Variants in TEKT1 observed in about 807,000 individuals in gnomAD.
TEKT1 encodes tektin 1.
Under a neutral mutation model 34.8 loss-of-function variants are expected in TEKT1, and 32 were observed. The ratio of observed to expected loss-of-function variants is 0.92; its 90% confidence interval spans 0.69 to 1.23. TEKT1 has a LOEUF of 1.23. Among genes scored for constraint, TEKT1 ranks in the 50% most tolerant of loss-of-function variants. TEKT1 has a pLI of 0.00. For missense variants in TEKT1, 492 were observed against 518.5 expected (o/e 0.95, Z 0.50); for synonymous variants, 207 against 199.8 (o/e 1.04, Z -0.30).
chr17:6,831,390 G>A (rs1904570531), intron 1 of TEKT1, among the ~76,000 whole-genome samples: 1 of 152,122 alleles, frequency 6.6e-6, no homozygotes, highest in African/African-American at 2.4e-5. Flanking sequence ...TCTTGACTAG[G>A]CTGAGAACCT....
At chr17:6,824,037 T>G (rs1391019685) in intron 2 of TEKT1, among the ~76,000 whole-genome samples, 1 of 152,082 alleles carries the variant, frequency 6.6e-6, no homozygotes, top group Non-Finnish European at 1.5e-5. Context: ...TTAGCCAGGA[T>G]GGTCTTGATC....
Position 6,819,253 on chromosome 17 carries a change from T to G in TEKT1, c.296A>C (p.Glu99Ala). The change falls in exon 3 of 8, where the codon GAA becomes GCA. Residue 99 changes from glutamate to alanine, a missense_variant. Physicochemically the swap from Glu to Ala is moderately radical, Grantham distance 107 (BLOSUM62 -1). Transcript: ENST00000338694. ...DDLLIYKIRL[E>A]KALETLKEPL... ...CTCTTTCAAGGTCTCCAGGGCTTTT[T>G]CCAATCTGATCTTATATATGAGTAG... 1 of 1,614,106 alleles carries G rather than the reference T, an allele frequency of 6.2e-7. No individual in the cohort carries two copies. Among genetic ancestry groups the G allele is most frequent in the Middle Eastern group, 1.6e-4 (1 of 6,062 alleles).
chr17:6,829,243 C>T (rs898129485), intron 2 of TEKT1, among the ~76,000 whole-genome samples: 1 of 152,138 alleles, frequency 6.6e-6, no homozygotes, highest in African/African-American at 2.4e-5. Flanking sequence ...TCTAGAAAAA[C>T]TTTTCCAATT....
intron 2 of TEKT1, among the ~76,000 whole-genome samples, chr17:6,821,029 T>C (rs1258223034): frequency 1.3e-5 from 2 of 152,226 alleles, no homozygotes; most frequent in Admixed American, 6.5e-5. Context: ...AGAGTTTCTG[T>C]TGAAAAGTCT....
At chr17:6,822,716 T>C (rs1244616246) in intron 2 of TEKT1, among the ~76,000 whole-genome samples, 1 of 152,228 alleles carries the variant, frequency 6.6e-6, no homozygotes, top group African/African-American at 2.4e-5. Context: ...ATAGTGTATG[T>C]CTTCTTTTTC....
At chr17:6,801,004 C>A in intron 6 of TEKT1, 61 bp from the exon 7 acceptor site, 1 of 1,471,670 alleles carries the variant, frequency 6.8e-7, no homozygotes, top group Non-Finnish European at 9.3e-7. Flanking sequence ...CAACAGCTGA[C>A]AGCAGATGGG....
chr17:6,800,115 C>T lies in TEKT1; in HGVS notation c.1169G>A (p.Cys390Tyr), dbSNP rs777393055. ...ENTIYIDEVL[C>Y]MQMRKSIPLR... ...TGGGATGGATTTCCTCATCTGCATA[C>T]ACAGCACTTCGTCGATATAAATGGT... The change falls in exon 8 of 8, where the codon TGT (cysteine) becomes TAT (tyrosine). Residue 390 changes from cysteine to tyrosine, a missense_variant. Transcript: ENST00000338694. 1.2e-6 allele frequency: 2 copies of T among 1,614,102 alleles called. No homozygotes were observed. The highest frequency in any genetic ancestry group is 1.7e-5 in the Admixed American group (1 of 60,034).
At position 6,814,726 on chromosome 17, in the gene TEKT1, T is replaced by C. The variant is rs574650614; in HGVS notation, c.629+437A>G. 5.8e-4 allele frequency among the ~76,000 whole-genome samples: 88 copies of C among 151,904 alleles called. 1 individual carries two copies. In the South Asian group the frequency reaches 0.014, roughly 24 times the overall value. The stretch of plus-strand genomic sequence containing the variant: ...GGTGGCGGGCGCCTGTAGTCCCAGC[T>C]ACTTGGGAGGCTGAGACAGGAGAAT... On this transcript the variant is annotated intron_variant, in intron 5 of 7. Transcript: ENST00000338694.
Position 6,815,143 on chromosome 17 carries a change from A to G in TEKT1, c.629+20T>C. The G allele has an allele frequency of 6.3e-7, 1 of 1,596,982 alleles. No individual in the cohort carries two copies. The highest frequency in any genetic ancestry group is 8.5e-7 in the Non-Finnish European group (1 of 1,171,208). ...AGCACTGGGTCACCCGCGAGGAGGA[A>G]GACGGCAAGGCCCACTCACTTTGGC... On this transcript the variant is annotated intron_variant, in intron 5 of 7. Transcript: ENST00000338694.
intron 6 of TEKT1, among the ~76,000 whole-genome samples, chr17:6,810,932 G>T (rs972260289): frequency 1.3e-5 from 2 of 152,144 alleles, no homozygotes; most frequent in African/African-American, 2.4e-5. Context: ...TAGAGACAGG[G>T]TTTCACCCTG....
intron 3 of TEKT1, 98 bp downstream of exon 3, chr17:6,819,095 T>C: frequency 1.4e-6 from 2 of 1,400,444 alleles, no homozygotes; most frequent in Non-Finnish European, 1.9e-6. Context: ...CCTGCTCAAG[T>C]GCTGTGTTCT....
At position 6,820,179 on chromosome 17, in the gene TEKT1, T is replaced by C. The variant is rs183215187; in HGVS notation, c.191-821A>G. ...AAGTAAACTTACTATTTATTTACAT[T>C]TTGTAAATATATAAATGTTATTTAC... On this transcript the variant is annotated intron_variant, in intron 2 of 7. Transcript: ENST00000338694. 5.6e-4 allele frequency among the ~76,000 whole-genome samples: 86 copies of C among 152,318 alleles called. No individual in the cohort carries two copies. In the East Asian group the frequency reaches 0.016, roughly 28 times the overall value.
At position 6,798,453 on chromosome 17, in the gene TEKT1, G is replaced by A. The variant is rs1162236064; in HGVS notation, c.*1574C>T. ...TGAGGTCTGCCCAGTGAGCTGGGAA[G>A]GCTTATTTGGACTCTTCCGAGCCAG... On this transcript the variant is annotated 3_prime_UTR_variant, in exon 8 of 8. Coordinates refer to ENST00000338694, the MANE Select transcript of TEKT1 (RefSeq NM_053285.2). 1 of 152,244 alleles carries A rather than the reference G, an allele frequency of 6.6e-6. No individual in the cohort carries two copies. Among genetic ancestry groups the A allele is most frequent in the Non-Finnish European group, 1.5e-5 (1 of 68,060 alleles). 9.4% of individuals were successfully genotyped at this position (152,244 alleles called of 1,614,324 possible).
chr17:6,812,828 C>A lies in TEKT1; in HGVS notation c.852+3G>T. 6.2e-7 allele frequency: 1 copy of A among 1,613,146 alleles called. No homozygotes were observed. Among genetic ancestry groups the A allele is most frequent in the Admixed American group, 1.7e-5 (1 of 60,022 alleles). ...TCTTCCATGCTCCCTCAAGGGACCT[C>A]ACCTTGGCCAGATGATCAGCCAGCT... On this transcript the variant is annotated splice_donor_region_variant and intron_variant, in intron 6 of 7. Transcript: ENST00000338694.
intron 6 of TEKT1, among the ~76,000 whole-genome samples, chr17:6,807,219 G>T (rs1268111992): frequency 2.0e-5 from 3 of 151,862 alleles, no homozygotes; most frequent in Non-Finnish European, 4.4e-5. Context: ...TCATTCATTT[G>T]ATCTTCCATC....
At position 6,800,097 on chromosome 17, in the gene TEKT1, G is replaced by T. The variant is rs1976746989; in HGVS notation, c.1187C>A (p.Ser396Tyr). ...GTCTTCCCCATCCCGAAGTGGGATGGATTTCCTCATCTGCATACACAGCAC... is the reference window on the plus strand; with the variant it reads ...GTCTTCCCCATCCCGAAGTGGGATGTATTTCCTCATCTGCATACACAGCAC... ...DEVLCMQMRKSIPLRDGEDHG... is the reference protein window; with the variant it reads ...DEVLCMQMRKYIPLRDGEDHG... Residue 396 changes from serine (S) to tyrosine (Y), a missense_variant, in exon 8 of 8, where the codon TCC becomes TAC. Coordinates refer to ENST00000338694, the MANE Select transcript of TEKT1 (RefSeq NM_053285.2). 6.2e-7 allele frequency: 1 copy of T among 1,613,696 alleles called. No homozygotes were observed.
chr17:6,819,466 C>T, intron 2 of TEKT1, 108 bp from the exon 3 acceptor site: 1 of 1,120,480 alleles, frequency 8.9e-7, no homozygotes, highest in Admixed American at 3.1e-5. Context: ...ATGCTCTTTT[C>T]CTCTTAGTGC....
chr17:6,831,465 A>G (rs1449318235), intron 1 of TEKT1, among the ~76,000 whole-genome samples, 184 bp downstream of exon 1: 1 of 152,112 alleles, frequency 6.6e-6, no homozygotes, highest in African/African-American at 2.4e-5. Flanking sequence ...AGTCCCTTTT[A>G]TGGCTTCTAC....
In TEKT1 at chr17:6,812,904, AC is replaced by A; in HGVS notation, c.778del (p.Val260TrpfsTer9). 6.2e-7 allele frequency: 1 copy of A among 1,614,198 alleles called. No individual in the cohort carries two copies. The highest frequency in any genetic ancestry group is 8.5e-7 in the Non-Finnish European group (1 of 1,180,042). On this transcript the variant is annotated frameshift_variant, in exon 6 of 8. Coordinates refer to ENST00000338694, the MANE Select transcript of TEKT1 (RefSeq NM_053285.2). LOFTEE classifies it high-confidence loss of function. ...CAGCCCATTCTTGAATGCCGTGTCC[AC>A]CACATCACACTGCTTGCGCAGATCA... is the stretch of plus-strand genomic sequence containing the variant. Reference protein sequence around the residue: ...ANDLRKQCDVVDTAFKNGLKD... With the variant: ...ANDLRKQCDVXDTAFKNGLKD...
Sources: gnomAD v4.1 joint callset for allele counts (sites outside exome capture counted in the v4.1 genomes callset) on GRCh38, gnomAD v4.1.1 for gene constraint, MANE v1.5 for transcripts, NCBI Gene and HGNC (gene_info 2026-07-23, HGNC 2026-07-21) for gene names.